DGAT2L6: variants seen among roughly 807,000 people sequenced by gnomAD.
The protein encoded by DGAT2L6 is diacylglycerol O-acyltransferase 2-like protein 6.
A neutral mutation model predicts 25.5 loss-of-function variants in DGAT2L6; 22 were observed. The observed-to-expected ratio is 0.86, with a 90% CI of 0.62 to 1.23. The LOEUF is 1.23. Among genes scored for constraint, DGAT2L6 ranks in the 50% most tolerant of loss-of-function variants. DGAT2L6 has a pLI of 0.00. For synonymous variants in DGAT2L6, 100 were observed against 94.7 expected, an observed-to-expected ratio of 1.06 and a Z score of -0.32; for missense variants, 287 against 253.2, an observed-to-expected ratio of 1.13 and a Z score of -0.91.
intron 1 of DGAT2L6, among the ~76,000 whole-genome samples, chrX:70,184,004 C>T (rs908384391): frequency 9.0e-6 from 1 of 111,420 alleles, no homozygotes; most frequent in Non-Finnish European, 1.9e-5. Flanking sequence ...CACGCTATTG[C>T]ACTCTAGCCT....
At chrX:70,197,918 T>A (rs945520756) in intron 1 of DGAT2L6, among the ~76,000 whole-genome samples, 1 of 112,189 alleles carries the variant, frequency 8.9e-6, no homozygotes, top group African/African-American at 3.2e-5. Flanking sequence ...TTACAACAAC[T>A]ATCTCGACCA....
intron 1 of DGAT2L6, among the ~76,000 whole-genome samples, chrX:70,183,800 G>A (rs1005352523): frequency 3.6e-5 from 4 of 110,127 alleles, no homozygotes; most frequent in Non-Finnish European, 7.6e-5. Context: ...GGAGGCCGAG[G>A]TGGGAGGATC....
chrX:70,204,514 T>A lies in DGAT2L6; in HGVS notation c.857T>A (p.Val286Asp). Residue 286 changes from valine (V) to aspartate (D), a missense_variant and splice_region_variant, in exon 6 of 7, where the codon GTT (valine) becomes GAT (aspartate). By Grantham distance (152) the Val-to-Asp change is radical. Transcript: ENST00000333026. ...CCTTTCAATCGGCCCATTACCACTGTTGGTGAGCTTTCCCTTATCTCCGGA... is the reference window on the plus strand; with the variant it reads ...CCTTTCAATCGGCCCATTACCACTGATGGTGAGCTTTCCCTTATCTCCGGA... ...FLPFNRPITT[V>D]VGEPLPIPRI... 8.3e-7 allele frequency: 1 copy of A among 1,209,148 alleles called. No individual in the cohort carries two copies. Among genetic ancestry groups the A allele is most frequent in the Non-Finnish European group, 1.1e-6 (1 of 894,578 alleles).
chrX:70,197,379 C>G (rs1303824981), intron 1 of DGAT2L6, among the ~76,000 whole-genome samples: 1 of 111,670 alleles, frequency 9.0e-6, no homozygotes, highest in Non-Finnish European at 1.9e-5. Context: ...AAACGTTCCT[C>G]GTCTCCTGCC....
At position 70,197,059 on chromosome X, in the gene DGAT2L6, G is replaced by T. The variant is rs778869690; in HGVS notation, c.86-2212G>T. ...ATCTTCACTACAAACTAAATTAGGA[G>T]CCTACCTATGTGAACTTCCTCTTTG... On this transcript the variant is annotated intron_variant, in intron 1 of 6. Coordinates refer to ENST00000333026, the MANE Select transcript of DGAT2L6 (RefSeq NM_198512.3). Among the ~76,000 whole-genome samples, 8 of 110,155 alleles carry T rather than the reference G, an allele frequency of 7.3e-5. No individual in the cohort carries two copies. In the South Asian group the frequency reaches 3.1e-3, roughly 43 times the overall value.
At chrX:70,202,583 T>C (rs1245356423) in intron 5 of DGAT2L6, among the ~76,000 whole-genome samples, 2 of 111,877 alleles carry the variant, frequency 1.8e-5, no homozygotes, top group Non-Finnish European at 3.8e-5. Context: ...AAACTCACAG[T>C]CCAATATGGA....
intron 1 of DGAT2L6, among the ~76,000 whole-genome samples, chrX:70,186,523 G>C (rs1216601693): frequency 9.0e-6 from 1 of 111,728 alleles, no homozygotes; most frequent in African/African-American, 3.3e-5. Context: ...GGTGAGTTGA[G>C]GGAATGGGAA....
rs372003647 is a variant in DGAT2L6 at position 70,204,311 on chromosome X, C to A, written c.654C>A (p.Tyr218Ter). Residue 218 changes from tyrosine (Y) to a stop codon, truncating the protein, a stop_gained, in exon 6 of 7, where the codon TAC becomes TAA. Transcript: ENST00000333026. LOFTEE classifies it high-confidence loss of function. The stretch of plus-strand genomic sequence containing the variant: ...CCTGCCCCTCTCTTTGCAGGGCATA[C>A]CTTGTCCCTTCATATTCCTTTGGTG... ...FVKMALQTGA[Y>*]LVPSYSFGEN... 2 of 1,204,141 alleles carry A rather than the reference C, an allele frequency of 1.7e-6. No individual in the cohort carries two copies. The highest frequency in any genetic ancestry group is 1.1e-6 in the Non-Finnish European group (1 of 891,067).
At chrX:70,179,358 C>A (rs1387357796) in intron 1 of DGAT2L6, among the ~76,000 whole-genome samples, 1 of 111,132 alleles carries the variant, frequency 9.0e-6, no homozygotes, top group Non-Finnish European at 1.9e-5. Context: ...TTCTGACCCT[C>A]AGCCAGGAAA....
chrX:70,178,840 T>C (rs1266732403), intron 1 of DGAT2L6, among the ~76,000 whole-genome samples: 1 of 112,534 alleles, frequency 8.9e-6, no homozygotes, highest in Admixed American at 9.4e-5. Context: ...TAGGAGTACC[T>C]GTGAGTGTCA....
chrX:70,184,618 C>T (rs2085354034), intron 1 of DGAT2L6, among the ~76,000 whole-genome samples: 1 of 109,640 alleles, frequency 9.1e-6, no homozygotes, highest in South Asian at 4.1e-4. Context: ...GTGTGCACCA[C>T]CATGCTTGGT....
chrX:70,188,854 C>T (rs2085366983), intron 1 of DGAT2L6, among the ~76,000 whole-genome samples: 1 of 109,003 alleles, frequency 9.2e-6, no homozygotes, highest in Admixed American at 9.9e-5. Flanking sequence ...TACTAACCAT[C>T]TAAGCATGAA....
intron 1 of DGAT2L6, among the ~76,000 whole-genome samples, chrX:70,189,057 A>G (rs1234507826): frequency 1.8e-5 from 2 of 110,797 alleles, no homozygotes; most frequent in Non-Finnish European, 1.9e-5. Context: ...AAGATTAGAA[A>G]CAAAGCAAGG....
chrX:70,197,868 A>T (rs764127341), intron 1 of DGAT2L6, among the ~76,000 whole-genome samples: 11 of 112,223 alleles, frequency 9.8e-5, no homozygotes, highest in African/African-American at 3.6e-4. Flanking sequence ...GGCTTCCCAT[A>T]AAACTCCTCC....
intron 1 of DGAT2L6, among the ~76,000 whole-genome samples, chrX:70,178,971 G>C (rs772534181): frequency 2.9e-4 from 33 of 112,168 alleles, no homozygotes; most frequent in Admixed American, 5.7e-4. Flanking sequence ...GTTAGATCTG[G>C]TTATTTAATG....
chrX:70,199,254 C>T lies in DGAT2L6; in HGVS notation c.86-17C>T, dbSNP rs2085401352. 9.0e-7 allele frequency: 1 copy of T among 1,106,266 alleles called. No individual in the cohort carries two copies. Among genetic ancestry groups the T allele is most frequent in the Non-Finnish European group, 1.2e-6 (1 of 816,092 alleles). 91.2% of individuals were successfully genotyped at this position (1,106,266 alleles called of 1,213,427 possible). ...TTGAAGGGAACTGAAAGGCTTGAAC[C>T]CTTTGTGTCTCCCCAGGAGCTATTC... On this transcript the variant is annotated splice_polypyrimidine_tract_variant and intron_variant, in intron 1 of 6. Transcript: ENST00000333026.
chrX:70,179,420 C>T (rs183130820), intron 1 of DGAT2L6, among the ~76,000 whole-genome samples: 34 of 110,798 alleles, frequency 3.1e-4, no homozygotes, highest in Admixed American at 9.7e-4. Context: ...TGGCAGCAAC[C>T]GTGTCAAATC....
Position 70,204,457 on chromosome X carries a change from G to A in DGAT2L6, c.800G>A (p.Arg267Gln), listed in dbSNP as rs1289127200. The part of the protein sequence containing the change: ...LGLNFCTFHG[R>Q]GFTRGSWGFL... Reference sequence around the variant, plus strand: ...CTAAATTTCTGTACCTTCCATGGCCGGGGCTTCACTCGCGGATCCTGGGGC... The same window carrying A: ...CTAAATTTCTGTACCTTCCATGGCCAGGGCTTCACTCGCGGATCCTGGGGC... The change falls in exon 6 of 7, where the codon CGG becomes CAG. Residue 267 changes from arginine to glutamine, a missense_variant. Transcript: ENST00000333026. 14 of 1,211,399 alleles carry A rather than the reference G, an allele frequency of 1.2e-5. No individual in the cohort carries two copies. Among genetic ancestry groups the A allele is most frequent in the African/African-American group, 1.7e-5 (1 of 57,736 alleles).
intron 1 of DGAT2L6, among the ~76,000 whole-genome samples, chrX:70,183,692 T>C (rs1199502): frequency 0.11 from 11,913 of 111,205 alleles, 1,115 homozygotes; most frequent in African/African-American, 0.3. Context: ...GACATCCTTT[T>C]TGGGTGTGTG....
Sources: gnomAD v4.1 joint callset for allele counts (sites outside exome capture counted in the v4.1 genomes callset) on GRCh38, gnomAD v4.1.1 for gene constraint, MANE v1.5 for transcripts, NCBI Gene and HGNC (gene_info 2026-07-23, HGNC 2026-07-21) for gene names.